Variants in XG observed in about 807,000 individuals in gnomAD.
XG encodes the protein Xg glycoprotein (Xg blood group).
In XG, 24 loss-of-function variants were observed where a neutral mutation model predicts 25.7. That is an observed-to-expected ratio of 0.93 (90% CI 0.68 to 1.31). The LOEUF (loss-of-function observed/expected upper bound fraction) is 1.31. XG is among the 40% of genes most tolerant of loss of function. XG has a pLI of 0.00. For missense variants in XG, 181 were observed against 187.6 expected (o/e 0.96, Z 0.21); for synonymous variants, 77 against 69.2 (o/e 1.11, Z -0.56).
intron 1 of XG, among the ~76,000 whole-genome samples, chrX:2,754,009 C>T (rs970385927): frequency 6.6e-6 from 1 of 152,156 alleles, no homozygotes; most frequent in African/African-American, 2.4e-5. Flanking sequence ...GTGTTCTGAG[C>T]ACTCTGAAGG....
chrX:2,795,623 T>C (rs1353217190), intron 6 of XG, among the ~76,000 whole-genome samples: 1 of 110,780 alleles, frequency 9.0e-6, no homozygotes, highest in Non-Finnish European at 1.9e-5. Context: ...TATAGGTATA[T>C]AAATGTCTTT....
At chrX:2,768,516 C>T (rs537175726) in intron 1 of XG, among the ~76,000 whole-genome samples, 1 of 152,218 alleles carries the variant, frequency 6.6e-6, no homozygotes, top group Admixed American at 6.5e-5. Flanking sequence ...GCCTGTAATC[C>T]CAGCACTTTG....
chrX:2,812,561 T>C (rs2087068399), intron 10 of XG, among the ~76,000 whole-genome samples: 2 of 111,121 alleles, frequency 1.8e-5, no homozygotes, highest in South Asian at 7.6e-4. Flanking sequence ...GGATTTGCAT[T>C]TGGCCTCAAA....
intron 3 of XG, among the ~76,000 whole-genome samples, chrX:2,775,955 CAAAAA>C (rs1173774743): frequency 2.5e-5 from 3 of 122,166 alleles, no homozygotes; most frequent in Admixed American, 9.2e-5. Flanking sequence ...GATTCCGTCT[CAAAAA>C]AAAAAAAAAA....
At chrX:2,756,700 C>T (rs1408976073) in intron 1 of XG, among the ~76,000 whole-genome samples, 2 of 152,144 alleles carry the variant, frequency 1.3e-5, no homozygotes, top group African/African-American at 2.4e-5. Flanking sequence ...CTGAGAGTTC[C>T]CTGACGCCCC....
chrX:2,768,525 T>C (rs1031412927), intron 1 of XG, among the ~76,000 whole-genome samples: 7 of 152,136 alleles, frequency 4.6e-5, no homozygotes, highest in Non-Finnish European at 8.8e-5. Flanking sequence ...CCCAGCACTT[T>C]GGGAGGCCAA....
intron 9 of XG, among the ~76,000 whole-genome samples, 184 bp from the exon 10 acceptor site, chrX:2,811,152 A>G (rs2087051581): frequency 9.2e-6 from 1 of 108,969 alleles, no homozygotes; most frequent in African/African-American, 3.3e-5. Context: ...TTTTTCTGTG[A>G]ATACAAGGGT....
Position 2,770,587 on chromosome X carries a change from C to A in XG, c.99C>A (p.Asp33Glu). The change falls in exon 2 of 11, where the codon GAC (aspartate) becomes GAA (glutamate). Residue 33 changes from aspartate (D) to glutamate (E), a missense_variant. Asp to Glu is a conservative substitution (Grantham distance 45). Coordinates refer to ENST00000644266, the MANE Select transcript of XG (RefSeq NM_001141919.2). ...TTGATTTGGCAGATGCCCTTGATGA[C>A]CCTGGTAAGTGCCGATATTTCAAGG... ...RDFDLADALD[D>E]PEPTKKPNSD... 6.2e-7 allele frequency: 1 copy of A among 1,613,924 alleles called. No individual in the cohort carries two copies. Among genetic ancestry groups the A allele is most frequent in the Non-Finnish European group, 8.5e-7 (1 of 1,179,858 alleles).
chrX:2,757,971 C>CAAAAAAAAAA (rs59540338), intron 1 of XG, among the ~76,000 whole-genome samples: 1 of 88,672 alleles, frequency 1.1e-5, no homozygotes, highest in Non-Finnish European at 2.2e-5. Context: ...GACTCCATCT[C>CAAAAAAAAAA]AAAAAAAAAA....
intron 6 of XG, among the ~76,000 whole-genome samples, chrX:2,795,149 C>T (rs1404083132): frequency 9.3e-6 from 1 of 106,980 alleles, no homozygotes; most frequent in Non-Finnish European, 1.9e-5. Flanking sequence ...TATATATATC[C>T]TTATATATAT....
chrX:2,768,791 A>G (rs192410070), intron 1 of XG, among the ~76,000 whole-genome samples: 1 of 152,238 alleles, frequency 6.6e-6, no homozygotes, highest in African/African-American at 2.4e-5. Flanking sequence ...CAAAAAGAAA[A>G]CAACAATAAA....
chrX:2,790,518 A>AG (rs1260528430), intron 5 of XG, among the ~76,000 whole-genome samples: 13 of 105,302 alleles, frequency 1.2e-4, no homozygotes, highest in African/African-American at 4.5e-4. Context: ...AAAAAAAAAA[A>AG]AAAAGAAGTG....
In XG at chrX:2,801,127, G is replaced by A. The variant is rs776812042; in HGVS notation, c.373+3767G>A. 6.3e-5 allele frequency among the ~76,000 whole-genome samples: 7 copies of A among 110,955 alleles called. No individual in the cohort carries two copies. In the East Asian group the frequency reaches 8.5e-4, roughly 13 times the overall value. Reference sequence around the variant, plus strand: ...CTAGGTAGACCTGATTTATTAAGACGGGAATCGCAATAGAGAAAGAGTTTA... The same window carrying A: ...CTAGGTAGACCTGATTTATTAAGACAGGAATCGCAATAGAGAAAGAGTTTA... On this transcript the variant is annotated intron_variant, in intron 7 of 10. Transcript: ENST00000644266.
chrX:2,781,528 G>A (rs962161082), intron 3 of XG, among the ~76,000 whole-genome samples: 4 of 98,822 alleles, frequency 4.0e-5, no homozygotes, highest in African/African-American at 1.5e-4. Context: ...ACATAGCTTG[G>A]AAGGTATATA....
At chrX:2,795,392 T>G (rs1281410250) in intron 6 of XG, among the ~76,000 whole-genome samples, 2 of 107,414 alleles carry the variant, frequency 1.9e-5, no homozygotes, top group Non-Finnish European at 3.8e-5. Context: ...CCTTTATTTA[T>G]ATACATCTTT....
chrX:2,797,352 A>G lies in XG; in HGVS notation c.365A>G (p.Asn122Ser). ...GGYSSYGNSD[N>S]THGRGGYRLN... ...TACTCCAGTTATGGCAACTCCGACAACACGCACGGTACCCCTACATCTGGG... is the reference window on the plus strand; with the variant it reads ...TACTCCAGTTATGGCAACTCCGACAGCACGCACGGTACCCCTACATCTGGG... The change falls in exon 7 of 11, where the codon AAC (asparagine) becomes AGC (serine). Residue 122 changes from asparagine to serine, a missense_variant. Coordinates refer to ENST00000644266, the MANE Select transcript of XG (RefSeq NM_001141919.2). 1 of 1,210,308 alleles carries G rather than the reference A, an allele frequency of 8.3e-7. No individual in the cohort carries two copies. Among genetic ancestry groups the G allele is most frequent in the Non-Finnish European group, 1.1e-6 (1 of 895,021 alleles).
chrX:2,801,993 C>T (rs1196998623), intron 7 of XG, among the ~76,000 whole-genome samples: 1 of 111,709 alleles, frequency 9.0e-6, no homozygotes. Context: ...AGGCGTGAGC[C>T]ACCGCGCCCG....
intron 1 of XG, among the ~76,000 whole-genome samples, chrX:2,763,016 G>C (rs1225333052): frequency 1.3e-5 from 2 of 152,138 alleles, no homozygotes; most frequent in African/African-American, 4.8e-5. Context: ...AAAGACTAAA[G>C]ATAACATCCT....
intron 1 of XG, among the ~76,000 whole-genome samples, chrX:2,764,874 T>C (rs575971325): frequency 0.14 from 19,775 of 143,238 alleles, 1,460 homozygotes; most frequent in Middle Eastern, 0.23. Flanking sequence ...AACCCCGTCA[T>C]TACTAAAAAC....
Sources: allele counts gnomAD v4.1 joint callset (sites outside exome capture counted in the v4.1 genomes callset), GRCh38; gene constraint gnomAD v4.1.1; transcripts MANE v1.5; gene names NCBI Gene and HGNC (gene_info 2026-07-23, HGNC 2026-07-21).